GSN: variants seen among roughly 807,000 people sequenced by gnomAD.
GSN encodes the protein actin-depolymerizing factor.
Under a neutral mutation model 85.7 loss-of-function variants are expected in GSN, and 56 were observed. That is an observed-to-expected ratio of 0.65 (90% confidence interval 0.53 to 0.82). GSN has a LOEUF of 0.82. Ranked by LOEUF, GSN falls within the 40% of genes least tolerant of loss-of-function variation. GSN has a pLI of 0.00. For synonymous variants in GSN, 373 were observed against 399.1 expected, an observed-to-expected ratio of 0.93 and a Z score of 0.78; for missense variants, 857 against 979.8, an observed-to-expected ratio of 0.87 and a Z score of 1.67.
At chr9:121,295,066 A>G (rs2059079573) in intron 2 of GSN, among the ~76,000 whole-genome samples, 1 of 152,116 alleles carries the variant, frequency 6.6e-6, no homozygotes, top group African/African-American at 2.4e-5. Context: ...TTTCTCCCGC[A>G]CCATCACATA....
chr9:121,287,051 G>A (rs2058183726), intron 2 of GSN, among the ~76,000 whole-genome samples: 1 of 152,136 alleles, frequency 6.6e-6, no homozygotes, highest in African/African-American at 2.4e-5. Context: ...ACAAGGGAGT[G>A]GCTGAGACTC....
chr9:121,249,555 C>A (rs1162952732), intron 6 of GSN, among the ~76,000 whole-genome samples: 2 of 152,160 alleles, frequency 1.3e-5, no homozygotes, highest in East Asian at 3.9e-4. Flanking sequence ...ATAACATGTC[C>A]TTATCATCCC....
intron 6 of GSN, among the ~76,000 whole-genome samples, chr9:121,249,733 T>A (rs4837823): frequency 0.38 from 57,560 of 152,054 alleles, 13,573 homozygotes; most frequent in East Asian, 0.62. Context: ...GCCACATGTA[T>A]ACCTGGGGAC....
At chr9:121,327,251 GGAGGGGGCT>G (rs2063322542) in intron 13 of GSN, 48 bp from the exon 14 acceptor site, 15 of 1,412,820 alleles carry the variant, frequency 1.1e-5, no homozygotes, top group Admixed American at 1.0e-4. Flanking sequence ...TGGGCTGTGA[GGAGGGGGCT>G]GAGGGCTTTT....
chr9:121,263,203 T>C (rs565589461), upstream of GSN, among the ~76,000 whole-genome samples: 155 of 152,238 alleles, frequency 1.0e-3, no homozygotes, highest in Middle Eastern at 0.014. Context: ...GTGTAAATAT[T>C]CCCACCGTGG....
chr9:121,299,996 C>T lies in GSN; in HGVS notation c.-9-1967C>T, dbSNP rs372837702. ...CGGGGGCGCCCCAGGGGCGGGTGCCCGAGGCGCGGGTGAGTGCCCGGGGGG... is the reference window on the plus strand; with the variant it reads ...CGGGGGCGCCCCAGGGGCGGGTGCCTGAGGCGCGGGTGAGTGCCCGGGGGG... On this transcript the variant is annotated intron_variant, in intron 2 of 17. Transcript: ENST00000432226. The surrounding 1 kb of genome is among the most constrained non-coding windows in gnomAD (Gnocchi z 4.2). The T allele has an allele frequency of 1.4e-4, 199 of 1,434,556 alleles. No individual in the cohort carries two copies. Among genetic ancestry groups the T allele is most frequent in the Non-Finnish European group, 1.7e-4 (188 of 1,084,640 alleles). 88.9% of individuals were successfully genotyped at this position (1,434,556 alleles called of 1,614,324 possible). A position where few individuals can be genotyped will look rare whatever the true frequency, so the allele number is the denominator to read the frequency against.
intron 13 of GSN, 117 bp downstream of exon 13, chr9:121,326,799 A>C (rs759316890): frequency 1.0e-6 from 1 of 978,182 alleles, no homozygotes; most frequent in Non-Finnish European, 1.7e-6. Flanking sequence ...CGGGGTAAGA[A>C]GCAGCTTTTT....
chr9:121,275,643 T>C (rs1240595326), intron 1 of GSN, among the ~76,000 whole-genome samples: 5 of 152,172 alleles, frequency 3.3e-5, no homozygotes, highest in Admixed American at 6.5e-5. Context: ...CCTGTTTCTC[T>C]TGGAAGGCAA....
intron 4 of GSN, among the ~76,000 whole-genome samples, chr9:121,303,457 G>A (rs919770157): frequency 1.3e-5 from 2 of 152,170 alleles, no homozygotes; most frequent in African/African-American, 2.4e-5. Flanking sequence ...AGAGGGCCCC[G>A]TGTTAAGTAT....
intron 2 of GSN, among the ~76,000 whole-genome samples, chr9:121,288,528 A>G (rs527269606): frequency 9.8e-5 from 15 of 152,330 alleles, no homozygotes; most frequent in African/African-American, 3.4e-4. Context: ...TAAGCATCTT[A>G]CATGCATTAC....
At chr9:121,289,794 G>T (rs12343047) in intron 2 of GSN, among the ~76,000 whole-genome samples, 5,693 of 152,176 alleles carry the variant, frequency 0.037, 307 homozygotes, top group Admixed American at 0.14. Context: ...GGATGTTGTT[G>T]GGGGGTTAGT....
In GSN at chr9:121,327,389, A is replaced by G; in HGVS notation, c.1669A>G (p.Thr557Ala). 2 of 1,613,738 alleles carry G rather than the reference A, an allele frequency of 1.2e-6. No homozygotes were observed. Among genetic ancestry groups the G allele is most frequent in the South Asian group, 1.1e-5 (1 of 90,976 alleles). Residue 557 changes from threonine to alanine, a missense_variant, in exon 14 of 18, where the codon ACA (threonine) becomes GCA (alanine). By Grantham distance (58) the Thr-to-Ala change is moderately conservative. Transcript: ENST00000432226. Reference sequence around the variant, plus strand: ...CTCAGCCGCCTACCTGTGGGTGGGTACAGGAGCCAGCGAGGCAGAGAAGAC... The same window carrying G: ...CTCAGCCGCCTACCTGTGGGTGGGTGCAGGAGCCAGCGAGGCAGAGAAGAC... ...TPSAAYLWVG[T>A]GASEAEKTGA...
At chr9:121,251,155 C>T (rs4836842) in intron 6 of GSN, among the ~76,000 whole-genome samples, 67,100 of 141,136 alleles carry the variant, frequency 0.48, 17,009 homozygotes, top group East Asian at 0.76. Context: ...AATTTTTGAA[C>T]TGAAGTATAA....
intron 2 of GSN, among the ~76,000 whole-genome samples, chr9:121,288,888 T>C (rs1449289655): frequency 6.6e-6 from 1 of 152,096 alleles, no homozygotes; most frequent in Admixed American, 6.5e-5. Flanking sequence ...GTAAGAGGCA[T>C]GGGATGCCGC....
chr9:121,232,184 A>G (rs1473749791), intron 5 of GSN, among the ~76,000 whole-genome samples: 2 of 152,234 alleles, frequency 1.3e-5, no homozygotes, highest in Non-Finnish European at 2.9e-5. Context: ...ATGTGGTACA[A>G]TGTAGACTGG....
intron 12 of GSN, 64 bp downstream of exon 12, chr9:121,324,708 G>A: frequency 1.3e-6 from 1 of 789,834 alleles, no homozygotes; most frequent in Non-Finnish European, 2.2e-6. Flanking sequence ...TCACTCATCT[G>A]TCTGACTCTC....
chr9:121,327,360 C>A lies in GSN; in HGVS notation c.1640C>A (p.Thr547Asn). Reference protein sequence around the residue: ...LNSNDAFVLKTPSAAYLWVGT... With the variant: ...LNSNDAFVLKNPSAAYLWVGT... Reference sequence around the variant, plus strand: ...TCCAACGATGCCTTTGTTCTGAAAACCCCCTCAGCCGCCTACCTGTGGGTG... The same window carrying A: ...TCCAACGATGCCTTTGTTCTGAAAAACCCCTCAGCCGCCTACCTGTGGGTG... The change falls in exon 14 of 18, where the codon ACC becomes AAC. Residue 547 changes from threonine (T) to asparagine (N), a missense_variant. Physicochemically the swap from Thr to Asn is moderately conservative, Grantham distance 65. Transcript: ENST00000432226. The A allele has an allele frequency of 6.2e-7, 1 of 1,614,030 alleles. No individual in the cohort carries two copies. Among genetic ancestry groups the A allele is most frequent in the Non-Finnish European group, 8.5e-7 (1 of 1,179,902 alleles).
chr9:121,283,671 G>GTTCATTCATTCATTCA (rs10566145), intron 2 of GSN: 1 of 128,556 alleles, frequency 7.8e-6, no homozygotes, highest in African/African-American at 2.6e-5. Flanking sequence ...ATGTATATAG[G>GTTCATTCATTCATTCA]TTCATTCATT....
chr9:121,321,439 A>G (rs748294419), intron 11 of GSN, 38 bp downstream of exon 11: 9 of 1,605,698 alleles, frequency 5.6e-6, no homozygotes, highest in South Asian at 2.2e-5. Flanking sequence ...TCGTGGGGGT[A>G]CTGGCTGGGC....
Sources: gnomAD v4.1 joint callset for allele counts (sites outside exome capture counted in the v4.1 genomes callset) on GRCh38, gnomAD v4.1.1 for gene constraint, Gnocchi (gnomAD v3.1) non-coding constraint, MANE v1.5 for transcripts, NCBI Gene and HGNC (gene_info 2026-07-23, HGNC 2026-07-21) for gene names.